Variants in PRPF3 observed in about 807,000 individuals in gnomAD.
PRPF3 encodes pre-mRNA processing factor 3, also known as U4/U6 small nuclear ribonucleoprotein Prp3.
A neutral mutation model predicts 89.2 loss-of-function variants in PRPF3; 3 were observed. That is an observed-to-expected ratio of 0.03 (90% CI 0.02 to 0.09). The LOEUF (loss-of-function observed/expected upper bound fraction) is 0.09. Ranked by LOEUF, PRPF3 falls within the 10% of genes least tolerant of loss-of-function variation. PRPF3 has a pLI of 1.00. For missense variants in PRPF3, 463 were observed against 828.8 expected (o/e 0.56, Z 5.42); for synonymous variants, 270 against 289.1 (o/e 0.93, Z 0.67).
intron 9 of PRPF3, among the ~76,000 whole-genome samples, chr1:150,341,984 G>A (rs115984390): frequency 0.016 from 2,457 of 152,020 alleles, 54 homozygotes; most frequent in African/African-American, 0.056. Context: ...GTTTACCGGC[G>A]TGAGCCACCG....
intron 8 of PRPF3, 131 bp downstream of exon 8, chr1:150,338,457 T>C (rs1313746287): frequency 1.6e-5 from 15 of 952,728 alleles, no homozygotes; most frequent in Non-Finnish European, 2.1e-5. Flanking sequence ...TTAAAATTTT[T>C]AAATCCAAGA....
rs1560116532 is a variant in PRPF3 at position 150,346,100 on chromosome 1, C to T, written c.1723C>T (p.Leu575=). The T allele has an allele frequency of 6.2e-7, 1 of 1,614,040 alleles. No homozygotes were observed. The highest frequency in any genetic ancestry group is 8.5e-7 in the Non-Finnish European group (1 of 1,180,042). ...ACTGTACCTGACAGGGGTGGTGGTA[C>T]TGCACAAGGATGTCAACGTGGTAGT... The part of the protein sequence containing the change: ...GQLYLTGVVV[L]HKDVNVVVVE... Residue 575 remains leucine (L), a synonymous_variant, in exon 13 of 16, where the codon CTG becomes TTG. Transcript: ENST00000324862.
chr1:150,333,919 A>G (rs1358055518), intron 6 of PRPF3, among the ~76,000 whole-genome samples: 1 of 152,214 alleles, frequency 6.6e-6, no homozygotes, highest in Non-Finnish European at 1.5e-5. Flanking sequence ...ATTCAGGGAT[A>G]AGGAAAGATA....
intron 6 of PRPF3, among the ~76,000 whole-genome samples, chr1:150,333,671 C>T (rs1284246397): frequency 2.0e-5 from 3 of 152,150 alleles, no homozygotes; most frequent in South Asian, 2.1e-4. Context: ...AATTTTTTCT[C>T]GTCTTCCCTG....
At chr1:150,349,406 C>T (rs587724497) in intron 15 of PRPF3, among the ~76,000 whole-genome samples, 188 bp downstream of exon 15, 62 of 152,272 alleles carry the variant, frequency 4.1e-4, no homozygotes, top group East Asian at 5.8e-4. Context: ...TAATTAAATT[C>T]GTGAGTATTT....
intron 4 of PRPF3, among the ~76,000 whole-genome samples, chr1:150,329,061 A>G (rs188468438): frequency 0.025 from 2,938 of 117,908 alleles, 126 homozygotes; most frequent in African/African-American, 0.086. Flanking sequence ...ATAGAGTTTC[A>G]CTCTGTTGCC....
intron 1 of PRPF3, among the ~76,000 whole-genome samples, chr1:150,324,090 A>T (rs1273991718): frequency 6.6e-6 from 1 of 152,048 alleles, no homozygotes; most frequent in Non-Finnish European, 1.5e-5. Context: ...GAACATTCTT[A>T]AAGATCATGA....
intron 3 of PRPF3, among the ~76,000 whole-genome samples, chr1:150,327,351 C>G (rs186787148): frequency 6.6e-6 from 1 of 152,214 alleles, no homozygotes; most frequent in East Asian, 1.9e-4. Flanking sequence ...CAGGCATGAG[C>G]CACTGCGCCT....
intron 4 of PRPF3, among the ~76,000 whole-genome samples, chr1:150,330,799 C>G (rs1260401): frequency 0.4 from 60,197 of 150,066 alleles, 12,491 homozygotes; most frequent in East Asian, 0.69. Flanking sequence ...TCACTGCAAC[C>G]TCCGCCTCCC....
At chr1:150,343,029 C>CCGGGCCTGGTGGCT in intron 9 of PRPF3, 1 of 160,652 alleles carries the variant, frequency 6.2e-6, no homozygotes, top group East Asian at 1.8e-4. Flanking sequence ...TTATTGCTGT[C>CCGGGCCTGGTGGCT]CGGGCCTGGT....
intron 11 of PRPF3, 57 bp downstream of exon 11, chr1:150,344,318 T>TG (rs1376573771): frequency 1.6e-5 from 26 of 1,613,740 alleles, no homozygotes; most frequent in Middle Eastern, 1.6e-4. Flanking sequence ...CAAACTCTTC[T>TG]GGGGGGTCCA....
chr1:150,327,208 C>T (rs1238538978), intron 3 of PRPF3, among the ~76,000 whole-genome samples: 1 of 151,948 alleles, frequency 6.6e-6, no homozygotes, highest in Admixed American at 6.6e-5. Context: ...GCTGGGATTA[C>T]AGGCACATGC....
At chr1:150,327,384 A>G (rs1340247897) in intron 3 of PRPF3, among the ~76,000 whole-genome samples, 15 of 152,128 alleles carry the variant, frequency 9.9e-5, no homozygotes, top group Admixed American at 7.9e-4. Flanking sequence ...ATACTTCTGT[A>G]TGAGTGCTGA....
chr1:150,349,806 C>T (rs1214618012), intron 15 of PRPF3, among the ~76,000 whole-genome samples: 1 of 145,274 alleles, frequency 6.9e-6, no homozygotes, highest in African/African-American at 2.6e-5. Context: ...CTGAAGCCTT[C>T]TTAGAGAACC....
At chr1:150,327,701 G>A (rs980555054) in intron 3 of PRPF3, 29 of 888,398 alleles carry the variant, frequency 3.3e-5, no homozygotes, top group Admixed American at 6.2e-5. Flanking sequence ...GGCCACTCTC[G>A]GTCCTGTTAA....
intron 4 of PRPF3, 74 bp downstream of exon 4, chr1:150,328,540 T>C: frequency 3.2e-6 from 4 of 1,256,494 alleles, no homozygotes; most frequent in Non-Finnish European, 4.4e-6. Context: ...TCTGTATTTA[T>C]TGTGGAATTT....
chr1:150,345,066 T>G (rs1229911778), intron 12 of PRPF3, among the ~76,000 whole-genome samples: 1 of 149,622 alleles, frequency 6.7e-6, no homozygotes, highest in Non-Finnish European at 1.5e-5. Flanking sequence ...ATGTTTTTAT[T>G]CTTTTATGTT....
intron 1 of PRPF3, among the ~76,000 whole-genome samples, chr1:150,323,173 C>CTTGTTTT (rs1655277822): frequency 2.1e-5 from 1 of 48,270 alleles, no homozygotes; most frequent in African/African-American, 9.7e-5. Context: ...CCGCACCTGG[C>CTTGTTTT]TTTTTTTTTT....
intron 15 of PRPF3, among the ~76,000 whole-genome samples, chr1:150,352,187 T>C (rs1268137380): frequency 6.6e-6 from 1 of 152,172 alleles, no homozygotes; most frequent in Non-Finnish European, 1.5e-5. Context: ...TATAAATAGT[T>C]TCTGGGGCCT....
Sources: allele counts gnomAD v4.1 joint callset (sites outside exome capture counted in the v4.1 genomes callset), GRCh38; gene constraint gnomAD v4.1.1; transcripts MANE v1.5; gene names NCBI Gene and HGNC (gene_info 2026-07-23, HGNC 2026-07-21).